The following WWP1 variants were observed in gnomAD, a reference collection of about 807,000 sequenced individuals.
The protein encoded by WWP1 is WW domain containing E3 ubiquitin protein ligase 1.
WWP1 carries 49 observed loss-of-function variants against 130.6 expected under a neutral mutation model. That is an observed-to-expected ratio of 0.38 (90% CI 0.30 to 0.48). The LOEUF (loss-of-function observed/expected upper bound fraction) is 0.48, where lower values mean the gene tolerates loss of function less well. WWP1 is among the 20% of genes least tolerant of loss of function. WWP1 has a pLI of 0.99. For synonymous variants in WWP1, 332 were observed against 367.8 expected (o/e 0.90, Z 1.11); for missense variants, 809 against 1,100.6 (o/e 0.74, Z 3.75).
intron 5 of WWP1, among the ~76,000 whole-genome samples, chr8:86,388,371 C>T (rs1016450862): frequency 2.0e-5 from 3 of 152,038 alleles, no homozygotes; most frequent in Non-Finnish European, 4.4e-5. Flanking sequence ...CCTCCCACCA[C>T]AGTCTTCTGA....
At chr8:86,388,791 ATTT>A (rs1406715312) in intron 5 of WWP1, among the ~76,000 whole-genome samples, 1 of 152,194 alleles carries the variant, frequency 6.6e-6, no homozygotes, top group Non-Finnish European at 1.5e-5. Context: ...TTTGCCTAAG[ATTT>A]TAAAAGTTTT....
At chr8:86,424,797 AAG>A (rs1491503150) in intron 9 of WWP1, among the ~76,000 whole-genome samples, 2 of 116,034 alleles carry the variant, frequency 1.7e-5, no homozygotes, top group Admixed American at 9.4e-5. Context: ...AGAGCGTGGA[AAG>A]AGAGGGAGAG....
At chr8:86,348,023 C>G (rs188518499) in intron 1 of WWP1, among the ~76,000 whole-genome samples, 1 of 152,062 alleles carries the variant, frequency 6.6e-6, no homozygotes, top group East Asian at 1.9e-4. Context: ...ATCATAAGCT[C>G]TACCATTGAA....
rs758248743 is a variant in WWP1 at position 86,435,610 on chromosome 8, TATG to T, written c.1678-20_1678-18del. 7 of 1,612,150 alleles carry T rather than the reference TATG, an allele frequency of 4.3e-6. No homozygotes were observed. Among genetic ancestry groups the T allele is most frequent in the Non-Finnish European group, 5.9e-6 (7 of 1,178,758 alleles). ...ACATATACTATAACTCAGATGATAT[TATG>T]ATATTATTTTTGTTTTTAGTCTAAT... is the stretch of plus-strand genomic sequence containing the variant. On this transcript the variant is annotated intron_variant, in intron 15 of 24. Coordinates refer to ENST00000517970, the MANE Select transcript of WWP1 (RefSeq NM_007013.4).
At chr8:86,419,832 C>G (rs993442639) in intron 9 of WWP1, among the ~76,000 whole-genome samples, 13 of 152,072 alleles carry the variant, frequency 8.5e-5, no homozygotes, top group Admixed American at 5.9e-4. Context: ...TAAATATTTT[C>G]AGCGATTGAA....
chr8:86,348,839 A>G (rs7843266), intron 1 of WWP1, among the ~76,000 whole-genome samples: 2,076 of 152,282 alleles, frequency 0.014, 48 homozygotes, highest in African/African-American at 0.047. Context: ...CCCTAAACCA[A>G]GTGACTTAAA....
chr8:86,448,141 T>C lies in WWP1; in HGVS notation c.1999-7T>C. 1 of 1,547,804 alleles carries C rather than the reference T, an allele frequency of 6.5e-7. No individual in the cohort carries two copies. The highest frequency in any genetic ancestry group is 8.6e-7 in the Non-Finnish European group (1 of 1,161,538). On this transcript the variant is annotated splice_region_variant and splice_polypyrimidine_tract_variant and intron_variant, in intron 18 of 24. Transcript: ENST00000517970. ...TTTTAAATAAAATTTTTCATTTTTC[T>C]TTGCAGGCACTATTTCATGGAAAGT...
chr8:86,406,662 ATG>A (rs915908987), intron 8 of WWP1, among the ~76,000 whole-genome samples: 12 of 151,220 alleles, frequency 7.9e-5, no homozygotes, highest in Middle Eastern at 3.4e-3. Flanking sequence ...CTGTGTGTGT[ATG>A]TGTGTGTGTG....
At chr8:86,390,128 C>T (rs1424381865) in intron 5 of WWP1, among the ~76,000 whole-genome samples, 1 of 151,162 alleles carries the variant, frequency 6.6e-6, no homozygotes, top group African/African-American at 2.4e-5. Context: ...CCCCACATCT[C>T]AGACGATGGG....
rs186060099 is a variant in WWP1, at chr8:86,446,948, C to G, written c.1999-1200C>G. ...CACAAAAGTTTTCTTCTGGTTGCTT[C>G]TGTTTCCTCTGTGAAATAGGAAGTA... is the stretch of plus-strand genomic sequence containing the variant. On this transcript the variant is annotated intron_variant, in intron 18 of 24. Transcript: ENST00000517970. 1.1e-3 allele frequency among the ~76,000 whole-genome samples: 163 copies of G among 151,912 alleles called. 1 individual carries two copies. Among genetic ancestry groups the G allele is most frequent in the African/African-American group, 3.8e-3 (155 of 41,232 alleles).
At chr8:86,357,705 T>C (rs1350376070) in intron 1 of WWP1, among the ~76,000 whole-genome samples, 1 of 152,210 alleles carries the variant, frequency 6.6e-6, no homozygotes, top group Non-Finnish European at 1.5e-5. Context: ...TAGCTATAAT[T>C]TGTTTTGTGT....
chr8:86,464,024 G>A (rs1811905721), intron 24 of WWP1, among the ~76,000 whole-genome samples: 1 of 151,998 alleles, frequency 6.6e-6, no homozygotes, highest in African/African-American at 2.4e-5. Context: ...TCACACCACT[G>A]CACTCCAGTC....
chr8:86,447,383 C>T lies in WWP1; in HGVS notation c.1999-765C>T, dbSNP rs186899408. On this transcript the variant is annotated intron_variant, in intron 18 of 24. Transcript: ENST00000517970. ...CCAGGTTCAAGCAATTCTCCTGCCT[C>T]ATCTTCCTGAATAGCTGGGACTACA... Among the ~76,000 whole-genome samples the T allele has an allele frequency of 3.4e-3, 518 of 152,292 alleles. 3 individuals carry two copies. Among genetic ancestry groups the T allele is most frequent in the South Asian group, 0.022 (108 of 4,820 alleles).
chr8:86,461,603 T>C (rs547509949), intron 23 of WWP1, 171 bp from the exon 24 acceptor site: 21 of 647,804 alleles, frequency 3.2e-5, no homozygotes, highest in Admixed American at 2.6e-4. Flanking sequence ...CTAATTCTTA[T>C]TGCTGGATCT....
intron 5 of WWP1, 33 bp from the exon 6 acceptor site, chr8:86,398,309 A>G (rs1807789945): frequency 1.3e-6 from 2 of 1,553,440 alleles, no homozygotes; most frequent in South Asian, 2.4e-5. Context: ...ATATGTGGCA[A>G]AAGCTTTTAA....
chr8:86,466,320 A>G (rs1812127217), intron 24 of WWP1, among the ~76,000 whole-genome samples: 1 of 152,156 alleles, frequency 6.6e-6, no homozygotes, highest in African/African-American at 2.4e-5. Flanking sequence ...AAACATATAT[A>G]TTTGTTAATT....
chr8:86,436,951 ATT>A (rs34999529), intron 16 of WWP1, among the ~76,000 whole-genome samples: 1 of 149,262 alleles, frequency 6.7e-6, no homozygotes. Context: ...TATCAAGTTG[ATT>A]TTTTTTTTTT....
intron 5 of WWP1, among the ~76,000 whole-genome samples, chr8:86,389,289 G>T (rs957961449): frequency 3.9e-5 from 6 of 152,104 alleles, no homozygotes; most frequent in Non-Finnish European, 8.8e-5. Context: ...GTTTTCCTAG[G>T]CAGAGGACCC....
intron 1 of WWP1, among the ~76,000 whole-genome samples, chr8:86,348,555 A>G (rs1822729322): frequency 6.6e-6 from 1 of 152,166 alleles, no homozygotes; most frequent in Non-Finnish European, 1.5e-5. Context: ...CACTCACAGC[A>G]CATACTGGCG....
Sources: allele counts gnomAD v4.1 joint callset (sites outside exome capture counted in the v4.1 genomes callset), GRCh38; gene constraint gnomAD v4.1.1; transcripts MANE v1.5; gene names NCBI Gene and HGNC (gene_info 2026-07-23, HGNC 2026-07-21).